Variants in SLCO3A1 observed in about 807,000 individuals in gnomAD.
The protein encoded by SLCO3A1 is PGE1 transporter.
A neutral mutation model predicts 63.1 loss-of-function variants in SLCO3A1; 27 were observed. The observed-to-expected ratio is 0.43, with a 90% CI of 0.32 to 0.59. The LOEUF is 0.59. SLCO3A1 is among the 20% of genes least tolerant of loss of function. The probability of loss-of-function intolerance (pLI) is 0.09; values close to 1 mark genes in which losing one functional copy is unlikely to be tolerated. For missense variants in SLCO3A1, 773 were observed against 945.8 expected (o/e 0.82, Z 2.40); for synonymous variants, 473 against 409.9 (o/e 1.15, Z -1.86).
At position 91,948,475 on chromosome 15, in the gene SLCO3A1, G is replaced by C. The variant is rs996498930; in HGVS notation, c.646+32017G>C. 6.6e-6 allele frequency among the ~76,000 whole-genome samples: 1 copy of C among 152,230 alleles called. No homozygotes were observed. Among genetic ancestry groups the C allele is most frequent in the African/African-American group, 2.4e-5 (1 of 41,460 alleles). On this transcript the variant is annotated intron_variant, in intron 2 of 9. Coordinates refer to ENST00000318445, the MANE Select transcript of SLCO3A1 (RefSeq NM_013272.4). The surrounding 1 kb of genome is among the most constrained non-coding windows in gnomAD (Gnocchi z 4.8). ...CACAGCACCACCTGGGTGGAAAGCA[G>C]CAGTCATTGGTTAGGAATTTGGGGA...
chr15:91,961,445 G>C (rs1900442046), intron 2 of SLCO3A1, among the ~76,000 whole-genome samples: 1 of 152,238 alleles, frequency 6.6e-6, no homozygotes, highest in South Asian at 2.1e-4. Context: ...CAGCTCTCTG[G>C]TTCTACTCTG....
intron 9 of SLCO3A1, among the ~76,000 whole-genome samples, chr15:92,154,362 C>A (rs763146378): frequency 6.6e-6 from 1 of 152,152 alleles, no homozygotes; most frequent in Non-Finnish European, 1.5e-5. Context: ...TGTAGACCAG[C>A]GCTCTCCAGT....
rs548928882 is a variant in SLCO3A1, at chr15:91,927,734, C to G, written c.646+11276C>G. The stretch of plus-strand genomic sequence containing the variant: ...GGGCAAGATGCTATTACCATAAGAA[C>G]ATTCACGTTTGCCCACCTGCCTTGT... On this transcript the variant is annotated intron_variant, in intron 2 of 9. Transcript: ENST00000318445. Among the ~76,000 whole-genome samples the G allele has an allele frequency of 6.6e-5, 10 of 152,296 alleles. No homozygotes were observed. In the East Asian group the frequency reaches 1.9e-3, roughly 29 times the overall value.
intron 2 of SLCO3A1, among the ~76,000 whole-genome samples, chr15:92,064,765 G>A (rs1336970126): frequency 2.0e-5 from 3 of 152,150 alleles, no homozygotes; most frequent in African/African-American, 7.2e-5. Flanking sequence ...AATAAGCCAG[G>A]CACAAAAACA....
chr15:91,855,947 C>A (rs1308178044), intron 1 of SLCO3A1, among the ~76,000 whole-genome samples: 1 of 151,918 alleles, frequency 6.6e-6, no homozygotes, highest in Non-Finnish European at 1.5e-5. Flanking sequence ...GTGATAAAAG[C>A]GTGGGCTTAC....
chr15:91,874,703 G>A lies in SLCO3A1; in HGVS notation c.180+20615G>A, dbSNP rs147661972. 5.8e-3 allele frequency among the ~76,000 whole-genome samples: 885 copies of A among 152,266 alleles called. 11 individuals carry two copies. Among genetic ancestry groups the A allele is most frequent in the African/African-American group, 0.02 (846 of 41,542 alleles). ...TGTGAATAATGCCGCTCCGATCATC[G>A]CTGTAGAGCTTTCATCTGGAATAAT... On this transcript the variant is annotated intron_variant, in intron 1 of 9. Coordinates refer to ENST00000318445, the MANE Select transcript of SLCO3A1 (RefSeq NM_013272.4).
At chr15:92,136,218 A>G (rs1455853940) in intron 7 of SLCO3A1, among the ~76,000 whole-genome samples, 1 of 152,238 alleles carries the variant, frequency 6.6e-6, no homozygotes, top group Non-Finnish European at 1.5e-5. Context: ...TCAAGTTTCC[A>G]TAGAAGGCTC....
At chr15:92,029,279 G>C (rs11854488) in intron 2 of SLCO3A1, among the ~76,000 whole-genome samples, 67,267 of 151,942 alleles carry the variant, frequency 0.44, 15,721 homozygotes, top group East Asian at 0.58. Context: ...TTTAGGATTT[G>C]TCCCTGGCGA....
rs552011900 is a variant in SLCO3A1, at chr15:91,893,024, C to T, written c.181-22969C>T. Among the ~76,000 whole-genome samples, 25 of 152,308 alleles carry T rather than the reference C, an allele frequency of 1.6e-4. No individual in the cohort carries two copies. In the South Asian group the frequency reaches 5.2e-3, roughly 32 times the overall value. On this transcript the variant is annotated intron_variant, in intron 1 of 9. Coordinates refer to ENST00000318445, the MANE Select transcript of SLCO3A1 (RefSeq NM_013272.4). ...GGTGCTGAATAAGGATTCTTCAATG[C>T]ATAAATGAGCCACATAACAAATAAG... is the stretch of plus-strand genomic sequence containing the variant.
intron 2 of SLCO3A1, among the ~76,000 whole-genome samples, chr15:91,963,828 T>A (rs1033889065): frequency 6.6e-6 from 1 of 152,098 alleles, no homozygotes; most frequent in African/African-American, 2.4e-5. Context: ...CAAGATTTAT[T>A]GTGAAGAGCG....
At chr15:91,895,873 T>G (rs566101732) in intron 1 of SLCO3A1, among the ~76,000 whole-genome samples, 69 of 152,342 alleles carry the variant, frequency 4.5e-4, no homozygotes, top group Middle Eastern at 3.4e-3. Context: ...AATCTTCTCT[T>G]CAGAGCCCAC....
intron 2 of SLCO3A1, among the ~76,000 whole-genome samples, chr15:92,004,865 A>T (rs2046296079): frequency 1.3e-5 from 2 of 152,172 alleles, no homozygotes; most frequent in African/African-American, 4.8e-5. Flanking sequence ...CTCCTACCTA[A>T]AGTAGTTCTG....
chr15:91,896,739 A>G (rs1049862623), intron 1 of SLCO3A1, among the ~76,000 whole-genome samples: 13 of 152,190 alleles, frequency 8.5e-5, no homozygotes, highest in African/African-American at 2.9e-4. Flanking sequence ...ACCCAGTCTC[A>G]GGTATGTCTT....
chr15:92,013,243 A>G (rs1008634688), intron 2 of SLCO3A1, among the ~76,000 whole-genome samples: 2 of 152,330 alleles, frequency 1.3e-5, no homozygotes, highest in East Asian at 3.9e-4. Flanking sequence ...CTAATTACTC[A>G]TCAGTTCTCT....
At chr15:91,923,842 G>T (rs771863080) in intron 2 of SLCO3A1, among the ~76,000 whole-genome samples, 2 of 152,004 alleles carry the variant, frequency 1.3e-5, no homozygotes, top group African/African-American at 4.8e-5. Flanking sequence ...AGTTTTTCCT[G>T]GGTCATAAAC....
chr15:92,110,481 G>A (rs1029426578), intron 4 of SLCO3A1, among the ~76,000 whole-genome samples: 3 of 151,860 alleles, frequency 2.0e-5, no homozygotes, highest in Non-Finnish European at 2.9e-5. Context: ...TTCCCTCCAC[G>A]CCCACCTCAC....
At position 92,018,966 on chromosome 15, in the gene SLCO3A1, C is replaced by T. The variant is rs562749492; in HGVS notation, c.647-75915C>T. On this transcript the variant is annotated intron_variant, in intron 2 of 9. Transcript: ENST00000318445. The stretch of plus-strand genomic sequence containing the variant: ...TGCCATATGGGGAATTTTTTTCCCC[C>T]CAGGAGGCTATTTTTAGAGTGCTCC... 2.0e-5 allele frequency among the ~76,000 whole-genome samples: 3 copies of T among 152,224 alleles called. No homozygotes were observed. In the South Asian group the frequency reaches 6.2e-4, roughly 32 times the overall value.
intron 2 of SLCO3A1, among the ~76,000 whole-genome samples, chr15:92,018,397 C>T (rs931773848): frequency 6.6e-6 from 1 of 152,148 alleles, no homozygotes; most frequent in Non-Finnish European, 1.5e-5. Flanking sequence ...CACGTGGTCA[C>T]ACCTCCACAG....
intron 2 of SLCO3A1, among the ~76,000 whole-genome samples, chr15:92,016,254 T>TAGATAGATAGATTAGATAGATA: frequency 1.0e-5 from 1 of 95,658 alleles, no homozygotes; most frequent in South Asian, 4.0e-4. Context: ...GATAGATAGA[T>TAGATAGATAGATTAGATAGATA]TAGATAGATA....
Sources: allele counts gnomAD v4.1 joint callset (sites outside exome capture counted in the v4.1 genomes callset), GRCh38; gene constraint gnomAD v4.1.1; non-coding constraint Gnocchi (gnomAD v3.1); transcripts MANE v1.5; gene names NCBI Gene and HGNC (gene_info 2026-07-23, HGNC 2026-07-21).